KCNIP1: variants seen among roughly 807,000 people sequenced by gnomAD.
The protein encoded by KCNIP1 is potassium voltage-gated channel interacting protein 1, also known as A-type potassium channel modulatory protein KCNIP1.
In KCNIP1, 18 loss-of-function variants were observed where a neutral mutation model predicts 33.0. The observed-to-expected ratio is 0.55, with a 90% CI of 0.38 to 0.81. KCNIP1 has a LOEUF of 0.81. Among genes scored for constraint, KCNIP1 ranks in the 30% least tolerant of loss-of-function variants. The probability of loss-of-function intolerance (pLI) is 0.00; values close to 1 mark genes in which losing one functional copy is unlikely to be tolerated. For synonymous variants in KCNIP1, 93 were observed against 98.3 expected, an observed-to-expected ratio of 0.95 and a Z score of 0.32; for missense variants, 238 against 271.6, an observed-to-expected ratio of 0.88 and a Z score of 0.87.
chr5:170,542,337 G>T lies in KCNIP1; in HGVS notation c.61+37704G>T, dbSNP rs149010240. On this transcript the variant is annotated intron_variant, in intron 1 of 7. Coordinates refer to ENST00000328939, the MANE Select transcript of KCNIP1 (RefSeq NM_014592.4). Reference sequence around the variant, plus strand: ...AGTCATAAACTCCCCATGTGGCACTGGGCAGGTTCATCACTTGAACTCTCT... The same window carrying T: ...AGTCATAAACTCCCCATGTGGCACTTGGCAGGTTCATCACTTGAACTCTCT... 5.4e-3 allele frequency among the ~76,000 whole-genome samples: 827 copies of T among 152,296 alleles called. 11 individuals carry two copies. The highest frequency in any genetic ancestry group is 0.019 in the African/African-American group (770 of 41,564).
At chr5:170,723,228 C>G (rs890690238) in intron 5 of KCNIP1, among the ~76,000 whole-genome samples, 2 of 152,160 alleles carry the variant, frequency 1.3e-5, no homozygotes, top group Non-Finnish European at 2.9e-5. Flanking sequence ...GGAAGAGGAA[C>G]CTACAATTGG....
chr5:170,405,520 A>C (rs2656844), intron 1 of KCNIP1, among the ~76,000 whole-genome samples: 25,144 of 152,126 alleles, frequency 0.17, 2,180 homozygotes, highest in African/African-American at 0.2. Flanking sequence ...AGGGATTCTC[A>C]GCAGCAGCCT....
chr5:170,457,271 A>G (rs986397990), intron 1 of KCNIP1, among the ~76,000 whole-genome samples: 3 of 152,194 alleles, frequency 2.0e-5, no homozygotes, highest in Non-Finnish European at 4.4e-5. Context: ...TTTAAAAAAG[A>G]TTATTAAACT....
chr5:170,664,813 T>G (rs550473670), intron 1 of KCNIP1, among the ~76,000 whole-genome samples: 2 of 152,124 alleles, frequency 1.3e-5, no homozygotes, highest in African/African-American at 4.8e-5. Context: ...CCAGAGAGCA[T>G]GGGGGCATTG....
At chr5:170,723,910 T>G (rs1763919927) in intron 5 of KCNIP1, among the ~76,000 whole-genome samples, 1 of 152,150 alleles carries the variant, frequency 6.6e-6, no homozygotes, top group Non-Finnish European at 1.5e-5. Context: ...GCTTCATGTG[T>G]TTCAAAAACA....
intron 1 of KCNIP1, among the ~76,000 whole-genome samples, chr5:170,424,435 A>C (rs1755568354): frequency 6.6e-6 from 1 of 152,116 alleles, no homozygotes. Flanking sequence ...AGCCTTGGCA[A>C]CTCACACAAG....
intron 1 of KCNIP1, among the ~76,000 whole-genome samples, chr5:170,631,926 G>A (rs1021541799): frequency 9.2e-5 from 14 of 152,194 alleles, no homozygotes; most frequent in Non-Finnish European, 1.5e-4. Context: ...TCCAAATCCC[G>A]CCCCTTCACA....
chr5:170,428,163 C>G (rs1309976739), intron 1 of KCNIP1, among the ~76,000 whole-genome samples: 2 of 152,034 alleles, frequency 1.3e-5, no homozygotes, highest in Non-Finnish European at 2.9e-5. Context: ...TAAATTTGCT[C>G]TACATAAGAA....
intron 1 of KCNIP1, chr5:170,383,004 AAAG>A (rs1418957408): frequency 6.6e-6 from 1 of 152,512 alleles, no homozygotes; most frequent in Admixed American, 6.5e-5. Context: ...AGGGGAAAAA[AAAG>A]AAAAGAAAGA....
chr5:170,415,569 A>G (rs749329833), intron 1 of KCNIP1, among the ~76,000 whole-genome samples: 5 of 152,126 alleles, frequency 3.3e-5, no homozygotes, highest in Non-Finnish European at 5.9e-5. Context: ...TTTCAGAAGG[A>G]ACATCAAGTC....
At chr5:170,354,098 T>C in intron 1 of KCNIP1, 1 of 858,746 alleles carries the variant, frequency 1.2e-6, no homozygotes, top group Non-Finnish European at 1.9e-6. Flanking sequence ...GTGGCTGGGA[T>C]TCGAGGTTGC....
chr5:170,428,463 G>A (rs12521325), intron 1 of KCNIP1, among the ~76,000 whole-genome samples: 16,567 of 151,734 alleles, frequency 0.11, 1,022 homozygotes, highest in Middle Eastern at 0.19. Flanking sequence ...CAGGCTGATG[G>A]AATTTAACAA....
intron 1 of KCNIP1, among the ~76,000 whole-genome samples, chr5:170,470,887 C>T (rs1276111678): frequency 1.3e-5 from 2 of 152,174 alleles, no homozygotes; most frequent in South Asian, 2.1e-4. Context: ...GGTTGGAGTT[C>T]GGTCCTCAGC....
intron 1 of KCNIP1, among the ~76,000 whole-genome samples, chr5:170,652,816 A>G (rs1001585738): frequency 1.3e-5 from 2 of 152,222 alleles, no homozygotes; most frequent in African/African-American, 4.8e-5. Flanking sequence ...TCATTAAAAC[A>G]TCCCTGTAGA....
intron 1 of KCNIP1, among the ~76,000 whole-genome samples, chr5:170,547,720 C>T (rs1332472378): frequency 1.3e-5 from 2 of 152,314 alleles, no homozygotes; most frequent in East Asian, 3.9e-4. Context: ...TTAATGGCTG[C>T]ATAGCATTTC....
intron 1 of KCNIP1, among the ~76,000 whole-genome samples, chr5:170,643,442 C>T (rs1319427829): frequency 6.6e-6 from 1 of 152,248 alleles, no homozygotes; most frequent in Non-Finnish European, 1.5e-5. Context: ...TGATGCCCTC[C>T]CTCCTCTCTG....
chr5:170,435,058 G>C (rs1755829637), intron 1 of KCNIP1, among the ~76,000 whole-genome samples: 1 of 152,224 alleles, frequency 6.6e-6, no homozygotes, highest in African/African-American at 2.4e-5. Flanking sequence ...GTCTGGGCTG[G>C]GGCAGAAGGG....
chr5:170,417,637 T>C (rs1368874174), intron 1 of KCNIP1, among the ~76,000 whole-genome samples: 6 of 152,144 alleles, frequency 3.9e-5, no homozygotes, highest in Non-Finnish European at 8.8e-5. Flanking sequence ...CATTCCCTGT[T>C]TTTTTTGTGG....
chr5:170,518,046 A>T (rs148676287), intron 1 of KCNIP1, among the ~76,000 whole-genome samples: 71 of 151,142 alleles, frequency 4.7e-4, no homozygotes, highest in African/African-American at 1.7e-3. Flanking sequence ...AATAGTAATG[A>T]TGGTGGTGTG....
Sources: gnomAD v4.1 joint callset for allele counts (sites outside exome capture counted in the v4.1 genomes callset) on GRCh38, gnomAD v4.1.1 for gene constraint, MANE v1.5 for transcripts, NCBI Gene and HGNC (gene_info 2026-07-23, HGNC 2026-07-21) for gene names.